The following SLC39A11 variants were observed in gnomAD, a reference collection of about 807,000 sequenced individuals.
The protein encoded by SLC39A11 is zinc transporter ZIP11.
A neutral mutation model predicts 36.1 loss-of-function variants in SLC39A11; 33 were observed. The ratio of observed to expected loss-of-function variants is 0.91; its 90% CI spans 0.69 to 1.22. SLC39A11 has a LOEUF of 1.22. Among genes scored for constraint, SLC39A11 ranks in the 50% most tolerant of loss-of-function variants. SLC39A11 has a pLI of 0.00. For synonymous variants in SLC39A11, 166 were observed against 170.3 expected (o/e 0.97, Z 0.20); for missense variants, 432 against 430.3 (o/e 1.00, Z -0.03).
chr17:72,876,018 T>C (rs1652193337), intron 5 of SLC39A11, among the ~76,000 whole-genome samples: 1 of 152,152 alleles, frequency 6.6e-6, no homozygotes, highest in Admixed American at 6.5e-5. Context: ...TTAATCTAAA[T>C]GTAATTAAAA....
chr17:72,786,532 T>G (rs2076520146), intron 6 of SLC39A11, among the ~76,000 whole-genome samples: 1 of 152,126 alleles, frequency 6.6e-6, no homozygotes, highest in African/African-American at 2.4e-5. Flanking sequence ...CCCCCAAATG[T>G]TCAGCTTGTT....
intron 6 of SLC39A11, among the ~76,000 whole-genome samples, chr17:72,755,165 C>T (rs1240493487): frequency 6.6e-6 from 1 of 152,186 alleles, no homozygotes; most frequent in Non-Finnish European, 1.5e-5. Context: ...GTGGTTTGAA[C>T]CCGGCTTTCA....
intron 5 of SLC39A11, among the ~76,000 whole-genome samples, chr17:72,860,966 T>C (rs527288571): frequency 4.3e-4 from 66 of 152,164 alleles, no homozygotes; most frequent in Non-Finnish European, 7.2e-4. Flanking sequence ...TGGATGAGAG[T>C]AGGTATAGGA....
At chr17:72,906,108 C>CA (rs2147026147) in intron 5 of SLC39A11, among the ~76,000 whole-genome samples, 1 of 152,310 alleles carries the variant, frequency 6.6e-6, no homozygotes, top group South Asian at 2.1e-4. Flanking sequence ...TAGAGTAGAG[C>CA]AAAAGGGCCA....
intron 5 of SLC39A11, among the ~76,000 whole-genome samples, chr17:72,872,970 C>T (rs1273789932): frequency 6.7e-6 from 1 of 149,754 alleles, no homozygotes; most frequent in African/African-American, 2.5e-5. Context: ...AGGAGAATGG[C>T]GTGAACCCGG....
intron 5 of SLC39A11, among the ~76,000 whole-genome samples, chr17:72,939,849 G>C (rs2084987433): frequency 6.6e-6 from 1 of 152,102 alleles, no homozygotes; most frequent in East Asian, 1.9e-4. Context: ...TTCTCTGAAG[G>C]GACCAGAGTG....
intron 5 of SLC39A11, among the ~76,000 whole-genome samples, chr17:72,855,221 A>G (rs111377425): frequency 2.7e-4 from 41 of 152,232 alleles, no homozygotes; most frequent in Admixed American, 2.6e-4. Context: ...ACATCTTGCT[A>G]GATAAATGCC....
chr17:73,051,063 G>A (rs967563346), intron 3 of SLC39A11, among the ~76,000 whole-genome samples: 6 of 152,176 alleles, frequency 3.9e-5, no homozygotes, highest in East Asian at 1.9e-4. Flanking sequence ...ATTCTCTCAC[G>A]GTTCTAGAAG....
At chr17:72,953,086 C>A (rs923321242) in intron 4 of SLC39A11, among the ~76,000 whole-genome samples, 14 of 152,170 alleles carry the variant, frequency 9.2e-5, no homozygotes, top group African/African-American at 3.4e-4. Context: ...CCACTCCAAA[C>A]CCAGCTCAGT....
At chr17:72,768,741 T>C (rs2075833585) in intron 6 of SLC39A11, among the ~76,000 whole-genome samples, 1 of 151,910 alleles carries the variant, frequency 6.6e-6, no homozygotes, top group Admixed American at 6.6e-5. Flanking sequence ...TTGGTTTTTA[T>C]TTATTTATTT....
intron 5 of SLC39A11, among the ~76,000 whole-genome samples, chr17:72,871,827 C>T (rs1019968225): frequency 1.3e-5 from 2 of 152,110 alleles, no homozygotes; most frequent in African/African-American, 4.8e-5. Flanking sequence ...TTGTGGGGAC[C>T]TCTGATTTAC....
chr17:72,947,001 G>A (rs1045142237), intron 5 of SLC39A11, among the ~76,000 whole-genome samples: 6 of 152,202 alleles, frequency 3.9e-5, no homozygotes, highest in Non-Finnish European at 8.8e-5. Context: ...TAGCTTTTCT[G>A]GCTCCAAATT....
At position 72,670,196 on chromosome 17, in the gene SLC39A11, CACACACACACACACACAT is replaced by C. The variant is rs1248441253; in HGVS notation, c.672-20946_672-20929del. On this transcript the variant is annotated intron_variant, in intron 7 of 9. Transcript: ENST00000255559. Reference sequence around the variant, plus strand: ...ACACACACACACACACACACACACACACACACACACACACACATATATATATATGCCAGGCATGGTGGC... The same window carrying C: ...ACACACACACACACACACACACACACATATATATATGCCAGGCATGGTGGC... 3.9e-3 allele frequency among the ~76,000 whole-genome samples: 357 copies of C among 90,620 alleles called. 4 individuals are homozygous for C. Among genetic ancestry groups the C allele is most frequent in the African/African-American group, 0.014 (321 of 22,564 alleles). The allele number at this position is 90,620 out of a possible 152,430, so 59.5% of individuals were successfully genotyped here. A position where few individuals can be genotyped will look rare whatever the true frequency, so the allele number is the denominator to read the frequency against.
At chr17:73,061,731 A>T (rs2144249151) in intron 3 of SLC39A11, among the ~76,000 whole-genome samples, 1 of 152,348 alleles carries the variant, frequency 6.6e-6, no homozygotes, top group East Asian at 1.9e-4. Context: ...CAAGTGGCTC[A>T]TGCCTACAAT....
At chr17:72,703,199 G>A (rs2072730960) in intron 7 of SLC39A11, among the ~76,000 whole-genome samples, 1 of 152,086 alleles carries the variant, frequency 6.6e-6, no homozygotes, top group African/African-American at 2.4e-5. Context: ...CAAACCACAA[G>A]GCAATGAAAA....
At chr17:73,080,045 A>G (rs2060461906) in intron 3 of SLC39A11, among the ~76,000 whole-genome samples, 1 of 152,240 alleles carries the variant, frequency 6.6e-6, no homozygotes, top group East Asian at 1.9e-4. Flanking sequence ...CAATATGGTA[A>G]AAATGACCAC....
intron 5 of SLC39A11, among the ~76,000 whole-genome samples, chr17:72,880,576 A>T: frequency 6.6e-6 from 1 of 152,142 alleles, no homozygotes; most frequent in East Asian, 1.9e-4. Context: ...AGAAAAGAAA[A>T]GAACTTGGTA....
intron 6 of SLC39A11, among the ~76,000 whole-genome samples, chr17:72,751,365 G>C (rs1042346092): frequency 1.3e-5 from 2 of 152,200 alleles, no homozygotes; most frequent in Non-Finnish European, 2.9e-5. Flanking sequence ...ATTTGAAGAA[G>C]ACAGTTCTAA....
chr17:72,783,280 G>A (rs1294450251), intron 6 of SLC39A11, among the ~76,000 whole-genome samples: 1 of 152,170 alleles, frequency 6.6e-6, no homozygotes, highest in African/African-American at 2.4e-5. Context: ...ATTGTCTAGA[G>A]CCACCCAGTG....
Sources: gnomAD v4.1 joint callset for allele counts (sites outside exome capture counted in the v4.1 genomes callset) on GRCh38, gnomAD v4.1.1 for gene constraint, MANE v1.5 for transcripts, NCBI Gene and HGNC (gene_info 2026-07-23, HGNC 2026-07-21) for gene names.